The following DIAPH2 variants were observed in gnomAD, a reference collection of about 807,000 sequenced individuals.
DIAPH2 encodes the protein diaphanous related formin 2.
A neutral mutation model predicts 92.7 loss-of-function variants in DIAPH2; 35 were observed. The observed-to-expected ratio is 0.38, with a 90% CI of 0.29 to 0.50. DIAPH2 has a LOEUF of 0.50. Ranked by LOEUF, DIAPH2 falls within the 20% of genes least tolerant of loss-of-function variation. The pLI is 0.94. For synonymous variants in DIAPH2, 301 were observed against 280.4 expected, an observed-to-expected ratio of 1.07 and a Z score of -0.73; for missense variants, 701 against 819.5, an observed-to-expected ratio of 0.86 and a Z score of 1.77.
At chrX:97,016,184 C>T (rs563384988) in intron 17 of DIAPH2, among the ~76,000 whole-genome samples, 3 of 111,810 alleles carry the variant, frequency 2.7e-5, no homozygotes, top group East Asian at 2.8e-4. Flanking sequence ...AGTGTGAGAT[C>T]GACATTTAAT....
intron 19 of DIAPH2, among the ~76,000 whole-genome samples, chrX:97,084,781 G>C (rs907246073): frequency 9.0e-6 from 1 of 111,430 alleles, no homozygotes; most frequent in Admixed American, 9.6e-5. Flanking sequence ...GTGAAAGCAA[G>C]AGCTGCTTTG....
chrX:96,794,199 T>C (rs2064521852), intron 4 of DIAPH2, among the ~76,000 whole-genome samples: 1 of 111,245 alleles, frequency 9.0e-6, no homozygotes, highest in African/African-American at 3.3e-5. Flanking sequence ...ATTCCATTCA[T>C]GAAGGTTCCA....
intron 4 of DIAPH2, among the ~76,000 whole-genome samples, chrX:96,794,159 A>G (rs1188647288): frequency 9.0e-6 from 1 of 111,417 alleles, no homozygotes; most frequent in African/African-American, 3.3e-5. Flanking sequence ...GGGGCAAACA[A>G]GTTCCTTTGG....
At chrX:97,088,808 G>A (rs911836691) in intron 19 of DIAPH2, among the ~76,000 whole-genome samples, 6 of 111,666 alleles carry the variant, frequency 5.4e-5, no homozygotes, top group Non-Finnish European at 9.4e-5. Context: ...TTAACGCTTC[G>A]TTCTAAATAT....
chrX:97,199,946 A>G, intron 22 of DIAPH2, among the ~76,000 whole-genome samples: 1 of 110,936 alleles, frequency 9.0e-6, no homozygotes, highest in Non-Finnish European at 1.9e-5. Flanking sequence ...CAAGATGGCC[A>G]AATAGAAACA....
At chrX:97,409,575 C>T (rs929404629) in intron 25 of DIAPH2, among the ~76,000 whole-genome samples, 2 of 111,694 alleles carry the variant, frequency 1.8e-5, no homozygotes, top group Non-Finnish European at 3.8e-5. Context: ...GGCATCACCT[C>T]ACCCGGGAAG....
chrX:97,248,115 A>G (rs2068157550), intron 23 of DIAPH2, among the ~76,000 whole-genome samples: 1 of 112,088 alleles, frequency 8.9e-6, no homozygotes, highest in Admixed American at 9.5e-5. Flanking sequence ...AAGAGGTTTG[A>G]TGAAACCTAA....
At chrX:96,847,274 A>G (rs1344342008) in intron 4 of DIAPH2, among the ~76,000 whole-genome samples, 1 of 112,183 alleles carries the variant, frequency 8.9e-6, no homozygotes. Context: ...AAAGGCATGA[A>G]ATAATTGATA....
chrX:97,340,665 T>G (rs1841517496), intron 23 of DIAPH2, among the ~76,000 whole-genome samples: 1 of 106,333 alleles, frequency 9.4e-6, no homozygotes, highest in African/African-American at 3.4e-5. Context: ...TTTGTTTTTT[T>G]TTTTTTTTGA....
chrX:97,543,388 C>T (rs1418807958), intron 26 of DIAPH2, among the ~76,000 whole-genome samples: 4 of 112,206 alleles, frequency 3.6e-5, no homozygotes, highest in African/African-American at 1.3e-4. Context: ...ATGGATTCCA[C>T]CTCTACATGG....
chrX:97,226,534 C>T (rs1425140167), intron 22 of DIAPH2, among the ~76,000 whole-genome samples: 6 of 109,881 alleles, frequency 5.5e-5, no homozygotes, highest in Admixed American at 3.9e-4. Flanking sequence ...CCACCAGGCC[C>T]GGCCAATTTT....
chrX:97,032,346 G>C lies in DIAPH2; in HGVS notation c.2051-40595G>C, dbSNP rs184036929. 7.8e-4 allele frequency among the ~76,000 whole-genome samples: 87 copies of C among 111,020 alleles called. No individual in the cohort carries two copies. The Middle Eastern group carries it at 0.014, about 18-fold the overall frequency. Reference sequence around the variant, plus strand: ...AAGAGCTTTGTACATATTCTATATAGAGAAAAAGTACAAAATTTGGTTTTA... The same window carrying C: ...AAGAGCTTTGTACATATTCTATATACAGAAAAAGTACAAAATTTGGTTTTA... On this transcript the variant is annotated intron_variant, in intron 17 of 26. Transcript: ENST00000324765.
chrX:97,547,181 C>G (rs940711141), intron 26 of DIAPH2, among the ~76,000 whole-genome samples: 4 of 111,342 alleles, frequency 3.6e-5, no homozygotes, highest in African/African-American at 1.3e-4. Context: ...CCATTGATGC[C>G]TCACCTTTTC....
At chrX:97,348,932 T>A (rs911560068) in intron 24 of DIAPH2, among the ~76,000 whole-genome samples, 1 of 108,934 alleles carries the variant, frequency 9.2e-6, no homozygotes, top group African/African-American at 3.3e-5. Flanking sequence ...CACAGACTGA[T>A]TGCAATAGTA....
At chrX:97,359,779 T>C (rs1403747548) in intron 24 of DIAPH2, among the ~76,000 whole-genome samples, 1 of 109,194 alleles carries the variant, frequency 9.2e-6, no homozygotes, top group Non-Finnish European at 1.9e-5. Context: ...GGTTTCACCA[T>C]GTTGGTCAGG....
intron 4 of DIAPH2, among the ~76,000 whole-genome samples, chrX:96,806,131 TAGTTTTAC>T (rs11278790): frequency 0.1 from 11,249 of 111,452 alleles, 522 homozygotes; most frequent in East Asian, 0.31. Flanking sequence ...AACACAGGTG[TAGTTTTAC>T]AGGATGTTTG....
intron 19 of DIAPH2, among the ~76,000 whole-genome samples, chrX:97,079,408 T>G (rs2066726308): frequency 1.8e-5 from 2 of 111,162 alleles, no homozygotes; most frequent in Non-Finnish European, 3.8e-5. Context: ...GAAAAGGGAA[T>G]TTGGGTAAAT....
At chrX:96,813,124 T>A (rs943190702) in intron 4 of DIAPH2, among the ~76,000 whole-genome samples, 5 of 111,286 alleles carry the variant, frequency 4.5e-5, no homozygotes, top group African/African-American at 1.6e-4. Flanking sequence ...AGGGGGGTGT[T>A]AAAATATCCC....
intron 25 of DIAPH2, among the ~76,000 whole-genome samples, chrX:97,410,216 T>C (rs1353420043): frequency 8.9e-6 from 1 of 112,025 alleles, no homozygotes; most frequent in Non-Finnish European, 1.9e-5. Context: ...GTGTTTGCTG[T>C]TCTGCAATAT....
Sources: allele counts gnomAD v4.1 joint callset (sites outside exome capture counted in the v4.1 genomes callset), GRCh38; gene constraint gnomAD v4.1.1; transcripts MANE v1.5; gene names NCBI Gene and HGNC (gene_info 2026-07-23, HGNC 2026-07-21).